HTR2A: variants seen among roughly 807,000 people sequenced by gnomAD.
HTR2A encodes 5-HT2 receptor.
In HTR2A, 14 loss-of-function variants were observed where a neutral mutation model predicts 31.0. That is an observed-to-expected ratio of 0.45 (90% confidence interval 0.30 to 0.71). HTR2A has a LOEUF of 0.71. Among genes scored for constraint, HTR2A ranks in the 30% least tolerant of loss-of-function variants. The pLI, the probability that HTR2A is intolerant of heterozygous loss-of-function variation, is 0.09. For synonymous variants in HTR2A, 209 were observed against 225.2 expected (o/e 0.93, Z 0.64); for missense variants, 442 against 573.3 (o/e 0.77, Z 2.34).
At chr13:46,840,793 A>G (rs1342143106) in intron 3 of HTR2A, among the ~76,000 whole-genome samples, 1 of 152,188 alleles carries the variant, frequency 6.6e-6, no homozygotes, top group East Asian at 1.9e-4. Flanking sequence ...GTATATATGT[A>G]TATTTCCTTG....
At chr13:46,880,900 T>C (rs1174326745) in intron 3 of HTR2A, among the ~76,000 whole-genome samples, 1 of 152,142 alleles carries the variant, frequency 6.6e-6, no homozygotes, top group Non-Finnish European at 1.5e-5. Context: ...CGTTTCTTAA[T>C]TATTCTCACC....
rs148187360 is a variant in HTR2A, at chr13:46,843,809, G to A, written c.614-8170C>T. ...TATGTAGCAGGGGCTTAGGAGTGGC[G>A]GCTGGAGGGCATGGGGGAATGAGGC... On this transcript the variant is annotated intron_variant, in intron 3 of 3. Transcript: ENST00000542664. Among the ~76,000 whole-genome samples, 194 of 152,262 alleles carry A rather than the reference G, an allele frequency of 1.3e-3. 4 individuals carry two copies. The East Asian group carries it at 0.031, about 25-fold the overall frequency.
Position 46,834,913 on chromosome 13 carries a change from G to A in HTR2A, c.1340C>T (p.Ala447Val), listed in dbSNP as rs6308. ...KTTDNDCSMV[A>V]LGKQHSEEAS... ...CTCTTCAGAATGCTGCTTTCCTAGA[G>A]CAACCATTGAGCAGTCATTATCTGT... Residue 447 changes from alanine to valine, a missense_variant, in exon 4 of 4, where the codon GCT (alanine) becomes GTT (valine). Transcript: ENST00000542664. 3,694 of 1,614,018 alleles carry A rather than the reference G, an allele frequency of 2.3e-3. 8 individuals carry two copies. Among genetic ancestry groups the A allele is most frequent in the Non-Finnish European group, 2.9e-3 (3,405 of 1,179,930 alleles).
chr13:46,839,396 G>C (rs537690294), intron 3 of HTR2A, among the ~76,000 whole-genome samples: 10 of 152,158 alleles, frequency 6.6e-5, no homozygotes, highest in African/African-American at 2.4e-4. Context: ...AGGCTTTGTG[G>C]GTACAATCAG....
chr13:46,841,950 C>T (rs1593426247), intron 3 of HTR2A, among the ~76,000 whole-genome samples: 1 of 152,248 alleles, frequency 6.6e-6, no homozygotes. Context: ...AATAAATAAC[C>T]AGAGCCTTGT....
At position 46,890,036 on chromosome 13, in the gene HTR2A, T is replaced by A. The variant is rs115386069; in HGVS notation, c.613+2354A>T. 9.8e-3 allele frequency among the ~76,000 whole-genome samples: 1,496 copies of A among 152,310 alleles called. 24 individuals carry two copies. Among genetic ancestry groups the A allele is most frequent in the African/African-American group, 0.034 (1,420 of 41,554 alleles). ...GGTCTATACAGTGCCAAACACATAGTAGATGCACATTACAAGACTGGTCAA... is the reference window on the plus strand; with the variant it reads ...GGTCTATACAGTGCCAAACACATAGAAGATGCACATTACAAGACTGGTCAA... On this transcript the variant is annotated intron_variant, in intron 3 of 3. Transcript: ENST00000542664.
At chr13:46,861,448 G>T (rs115167274) in intron 3 of HTR2A, among the ~76,000 whole-genome samples, 253 of 152,300 alleles carry the variant, frequency 1.7e-3, no homozygotes, top group African/African-American at 5.8e-3. Flanking sequence ...TTTCGTTTGA[G>T]TGGAACCAGC....
In HTR2A at chr13:46,855,516, G is replaced by C. The variant is rs150849658; in HGVS notation, c.614-19877C>G. Among the ~76,000 whole-genome samples, 30 of 146,622 alleles carry C rather than the reference G, an allele frequency of 2.0e-4. No individual in the cohort carries two copies. In the East Asian group the frequency reaches 2.7e-3, roughly 13 times the overall value. On this transcript the variant is annotated intron_variant, in intron 3 of 3. Transcript: ENST00000542664. ...GTGGATGGGGAAGGTGCTCTCAACTGGGGGGGTACACAGGCTGCTTTTCTC... is the reference window on the plus strand; with the variant it reads ...GTGGATGGGGAAGGTGCTCTCAACTCGGGGGGTACACAGGCTGCTTTTCTC...
chr13:46,855,859 G>A (rs771804168), intron 3 of HTR2A, among the ~76,000 whole-genome samples: 13 of 151,752 alleles, frequency 8.6e-5, no homozygotes, highest in African/African-American at 2.2e-4. Context: ...TGATGTGGGT[G>A]GGGTCCGCAA....
At chr13:46,892,620 C>G (rs1210945355) in intron 2 of HTR2A, 30 bp from the exon 3 acceptor site, 1 of 1,592,822 alleles carries the variant, frequency 6.3e-7, no homozygotes, top group East Asian at 2.2e-5. Flanking sequence ...TGTCAGTGAG[C>G]AACCCTGTGC....
intron 3 of HTR2A, among the ~76,000 whole-genome samples, chr13:46,865,024 T>G (rs1044610361): frequency 6.6e-6 from 1 of 152,214 alleles, no homozygotes; most frequent in Non-Finnish European, 1.5e-5. Flanking sequence ...ATATTTCACG[T>G]GCTCTTAAAC....
chr13:46,835,697 G>T, intron 3 of HTR2A, 58 bp from the exon 4 acceptor site: 1 of 1,272,658 alleles, frequency 7.9e-7, no homozygotes, highest in Non-Finnish European at 1.1e-6. Context: ...ATGAAGGCAA[G>T]AGCATCATCA....
chr13:46,892,168 T>C (rs1566321270), intron 3 of HTR2A, among the ~76,000 whole-genome samples: 2 of 152,248 alleles, frequency 1.3e-5, no homozygotes, highest in Non-Finnish European at 2.9e-5. Flanking sequence ...GTTTATAGTT[T>C]TGCCTGTGCA....
In HTR2A at chr13:46,886,426, T is replaced by A. The variant is rs1593444075; in HGVS notation, c.613+5964A>T. Among the ~76,000 whole-genome samples the A allele has an allele frequency of 2.0e-5, 3 of 152,270 alleles. No homozygotes were observed. In the South Asian group the frequency reaches 6.2e-4, roughly 32 times the overall value. On this transcript the variant is annotated intron_variant, in intron 3 of 3. Coordinates refer to ENST00000542664, the MANE Select transcript of HTR2A (RefSeq NM_000621.5). The stretch of plus-strand genomic sequence containing the variant: ...AAACTGATGCTGATTGTCACAAATG[T>A]GGGCAGGTCAAATTTCAATATTAAA...
At chr13:46,837,380 T>C (rs760909005) in intron 3 of HTR2A, among the ~76,000 whole-genome samples, 7 of 152,180 alleles carry the variant, frequency 4.6e-5, no homozygotes, top group Non-Finnish European at 1.5e-5. Context: ...AGAGGAAACA[T>C]GAATCAAGTA....
At chr13:46,880,396 C>G (rs972188180) in intron 3 of HTR2A, among the ~76,000 whole-genome samples, 2 of 152,154 alleles carry the variant, frequency 1.3e-5, no homozygotes, top group Non-Finnish European at 2.9e-5. Context: ...CATGAAGGGG[C>G]AGCATGCAGA....
At chr13:46,861,341 T>C (rs985257128) in intron 3 of HTR2A, among the ~76,000 whole-genome samples, 1 of 152,196 alleles carries the variant, frequency 6.6e-6, no homozygotes, top group Non-Finnish European at 1.5e-5. Context: ...TCTCACATAA[T>C]TTTAGATTGT....
At chr13:46,856,124 G>A (rs1233267645) in intron 3 of HTR2A, 1 of 152,202 alleles carries the variant, frequency 6.6e-6, no homozygotes, top group Non-Finnish European at 1.5e-5. Flanking sequence ...GGGTGGAGAA[G>A]ATTCAAGTAC....
rs1876312723 is a variant in HTR2A, at chr13:46,833,278, A to G, written c.*1559T>C. ...CAAACTTGTTTCTGAACCAGGTAAGAAGGAAATAAGTTGAAATGATTCTAA... is the reference window on the plus strand; with the variant it reads ...CAAACTTGTTTCTGAACCAGGTAAGGAGGAAATAAGTTGAAATGATTCTAA... On this transcript the variant is annotated 3_prime_UTR_variant, in exon 4 of 4. Coordinates refer to ENST00000542664, the MANE Select transcript of HTR2A (RefSeq NM_000621.5). 6.6e-6 allele frequency: 1 copy of G among 152,198 alleles called. No homozygotes were observed. 9.4% of individuals were successfully genotyped at this position (152,198 alleles called of 1,614,324 possible).
Sources: gnomAD v4.1 joint callset for allele counts (sites outside exome capture counted in the v4.1 genomes callset) on GRCh38, gnomAD v4.1.1 for gene constraint, MANE v1.5 for transcripts, NCBI Gene and HGNC (gene_info 2026-07-23, HGNC 2026-07-21) for gene names.